RNF222: variants seen among roughly 807,000 people sequenced by gnomAD.
The protein encoded by RNF222 is ring finger protein 222, also known as RING finger protein LOC643904.
RNF222 carries 14 observed loss-of-function variants against 10.8 expected under a neutral mutation model. The ratio of observed to expected loss-of-function variants is 1.30; its 90% CI spans 0.86 to 2.03. The LOEUF is 2.03. Ranked by LOEUF, RNF222 falls within the 30% of genes most tolerant of loss-of-function variation. The pLI is 0.00. For synonymous variants in RNF222, 141 were observed against 142.5 expected (o/e 0.99, Z 0.07); for missense variants, 298 against 295.8 (o/e 1.01, Z -0.06).
At position 8,392,436 on chromosome 17, in the gene RNF222, T is replaced by G; in HGVS notation, c.*363A>C. The G allele has an allele frequency of 4.1e-6, 1 of 245,836 alleles. No individual in the cohort carries two copies. The highest frequency in any genetic ancestry group is 8.0e-6 in the Non-Finnish European group (1 of 125,474). The allele number at this position is 245,836 out of a possible 1,614,324, so 15.2% of individuals were successfully genotyped here. On this transcript the variant is annotated 3_prime_UTR_variant, in exon 3 of 3. Transcript: ENST00000399398. This position sits in a 1 kb window ranked among gnomAD's most constrained non-coding sequence, Gnocchi z 4.3. ...CAGCAGGACGTCTGCCTGCAGGACT[T>G]TCTTGTCCCTGGAGGGGCCCACCTG...
At chr17:8,396,403 G>A (rs1908038818) in intron 1 of RNF222, among the ~76,000 whole-genome samples, 1 of 152,174 alleles carries the variant, frequency 6.6e-6, no homozygotes, top group African/African-American at 2.4e-5. Flanking sequence ...GAGACGAGCA[G>A]GGAAGGAGAA....
chr17:8,394,060 C>CTAAG (rs1907960733), intron 2 of RNF222, 118 bp downstream of exon 2: 1 of 152,784 alleles, frequency 6.5e-6, no homozygotes, highest in Non-Finnish European at 1.5e-5. Context: ...TTCCTCTGTG[C>CTAAG]TAAGTGTGGC....
Position 8,397,779 on chromosome 17 carries a change from T to C in RNF222, c.-262A>G, listed in dbSNP as rs922097720. ...GGTGCTGAGCAGCAGCACGATCTCC[T>C]CCTGTTGCTGTTAGTGTGACCGCCA... On this transcript the variant is annotated 5_prime_UTR_variant, in exon 1 of 3. Transcript: ENST00000399398. 2.6e-5 allele frequency: 4 copies of C among 152,490 alleles called. No homozygotes were observed. The highest frequency in any genetic ancestry group is 9.7e-5 in the African/African-American group (4 of 41,414). 9.4% of individuals were successfully genotyped at this position (152,490 alleles called of 1,614,324 possible). A position where few individuals can be genotyped will look rare whatever the true frequency, so the allele number is the denominator to read the frequency against.
In RNF222 at chr17:8,392,763, G is replaced by A; in HGVS notation, c.*36C>T. 6.6e-7 allele frequency: 1 copy of A among 1,525,432 alleles called. No homozygotes were observed. The highest frequency in any genetic ancestry group is 1.2e-5 in the South Asian group (1 of 83,192). 94.5% of individuals were successfully genotyped at this position (1,525,432 alleles called of 1,614,324 possible). ...CCGTGGGCCTCCTGTCCCACCCCAG[G>A]CCACGGCTAGCCCGGCGGCCTCCCT... is the stretch of plus-strand genomic sequence containing the variant. On this transcript the variant is annotated 3_prime_UTR_variant, in exon 3 of 3. Transcript: ENST00000399398. The surrounding 1 kb of genome is among the most constrained non-coding windows in gnomAD (Gnocchi z 4.3).
At chr17:8,396,337 C>G (rs1211666033) in intron 1 of RNF222, among the ~76,000 whole-genome samples, 1 of 152,116 alleles carries the variant, frequency 6.6e-6, no homozygotes, top group African/African-American at 2.4e-5. Flanking sequence ...TTGTTAGAAT[C>G]AGCTGATAGA....
Position 8,391,383 on chromosome 17 carries a change from TG to T in RNF222, c.*1415del, listed in dbSNP as rs1267185809. 1 of 152,194 alleles carries T rather than the reference TG, an allele frequency of 6.6e-6. No homozygotes were observed. The highest frequency in any genetic ancestry group is 1.5e-5 in the Non-Finnish European group (1 of 68,062). 9.4% of individuals were successfully genotyped at this position (152,194 alleles called of 1,614,324 possible). A position where few individuals can be genotyped will look rare whatever the true frequency, so the allele number is the denominator to read the frequency against. On this transcript the variant is annotated 3_prime_UTR_variant, in exon 3 of 3. Coordinates refer to ENST00000399398, the MANE Select transcript of RNF222 (RefSeq NM_001146684.3). ...AGTGCTTTTAAAGCAGCCCTCTCTA[TG>T]TCCCAAATATCCCCTGTAGTGGGGC...
rs1232694942 is a variant in RNF222, at chr17:8,392,781, G to A, written c.*18C>T. ...ACCCCAGGCCACGGCTAGCCCGGCG[G>A]CCTCCCTGAGGTGCGGCTCACGCCT... On this transcript the variant is annotated 3_prime_UTR_variant, in exon 3 of 3. Transcript: ENST00000399398. This position sits in a 1 kb window ranked among gnomAD's most constrained non-coding sequence, Gnocchi z 4.3. The A allele has an allele frequency of 6.5e-7, 1 of 1,530,628 alleles. No homozygotes were observed. The highest frequency in any genetic ancestry group is 8.7e-7 in the Non-Finnish European group (1 of 1,145,386). 94.8% of individuals were successfully genotyped at this position (1,530,628 alleles called of 1,614,324 possible).
intron 1 of RNF222, among the ~76,000 whole-genome samples, chr17:8,396,277 A>T (rs2151684703): frequency 6.6e-6 from 1 of 152,312 alleles, no homozygotes; most frequent in South Asian, 2.1e-4. Context: ...GGTGAAGGTG[A>T]CGGAGAGGGA....
intron 2 of RNF222, 110 bp from the exon 3 acceptor site, chr17:8,393,596 T>G: frequency 1.5e-6 from 2 of 1,376,360 alleles, no homozygotes; most frequent in Non-Finnish European, 1.9e-6. Flanking sequence ...CTCCCTGTCT[T>G]CTGCCTCCTC....
intron 1 of RNF222, among the ~76,000 whole-genome samples, chr17:8,396,827 T>A (rs1205960474): frequency 6.6e-6 from 1 of 152,118 alleles, no homozygotes; most frequent in Non-Finnish European, 1.5e-5. Flanking sequence ...ATGGTATGAT[T>A]CTGTTTGGAT....
rs1273374817 is a variant in RNF222, at chr17:8,391,981, GA to G, written c.*817del. ...TCGTTTGCCCACATAGTTCTCAGCT[GA>G]CTCAAGGCTCGCCTGTCAGGCTTCC... On this transcript the variant is annotated 3_prime_UTR_variant, in exon 3 of 3. Transcript: ENST00000399398. The G allele has an allele frequency of 6.6e-6, 1 of 152,294 alleles. No homozygotes were observed. The highest frequency in any genetic ancestry group is 1.5e-5 in the Non-Finnish European group (1 of 68,130). The allele number at this position is 152,294 out of a possible 1,614,324, so 9.4% of individuals were successfully genotyped here. A position where few individuals can be genotyped will look rare whatever the true frequency, so the allele number is the denominator to read the frequency against.
In RNF222 at chr17:8,392,578, T is replaced by A. The variant is rs901764324; in HGVS notation, c.*221A>T. 6 of 572,648 alleles carry A rather than the reference T, an allele frequency of 1.0e-5. No homozygotes were observed. The Admixed American group carries it at 2.0e-4, about 19-fold the overall frequency. The allele number at this position is 572,648 out of a possible 1,614,324, so 35.5% of individuals were successfully genotyped here. On this transcript the variant is annotated 3_prime_UTR_variant, in exon 3 of 3. Transcript: ENST00000399398. The surrounding 1 kb of genome is among the most constrained non-coding windows in gnomAD (Gnocchi z 4.3). ...GGAAGGGGAACGCATCTGCTGAGGATTCACGTGGGGAACACGCGCCGCGCG... is the reference window on the plus strand; with the variant it reads ...GGAAGGGGAACGCATCTGCTGAGGAATCACGTGGGGAACACGCGCCGCGCG...
chr17:8,394,664 C>T (rs560165922), intron 1 of RNF222, among the ~76,000 whole-genome samples: 6 of 152,322 alleles, frequency 3.9e-5, no homozygotes, highest in Non-Finnish European at 8.8e-5. Context: ...TCTTGAACTC[C>T]TGACCTCCGG....
Position 8,393,322 on chromosome 17 carries a change from A to G in RNF222, c.140T>C (p.Leu47Pro). 1 of 1,551,620 alleles carries G rather than the reference A, an allele frequency of 6.4e-7. No homozygotes were observed. Among genetic ancestry groups the G allele is most frequent in the African/African-American group, 1.4e-5 (1 of 73,172 alleles). The change falls in exon 3 of 3, where the codon CTG becomes CCG. Residue 47 changes from leucine to proline, a missense_variant. Coordinates refer to ENST00000399398, the MANE Select transcript of RNF222 (RefSeq NM_001146684.3). ...GACCTGCCCATCCACGCGGGTGGAC[A>G]GCAGGTACTTGACCAGGCAGTCATG... ...FCHDCLVKYL[L>P]STRVDGQVQR...
chr17:8,394,528 C>T (rs1597502976), intron 1 of RNF222, among the ~76,000 whole-genome samples, 199 bp from the exon 2 acceptor site: 1 of 151,634 alleles, frequency 6.6e-6, no homozygotes, highest in East Asian at 1.9e-4. Flanking sequence ...ACTTCCACCT[C>T]CTGGGTTCAA....
chr17:8,396,020 A>G (rs1003122392), intron 1 of RNF222, among the ~76,000 whole-genome samples: 1 of 152,236 alleles, frequency 6.6e-6, no homozygotes, highest in Non-Finnish European at 1.5e-5. Flanking sequence ...AAGTTCTTAT[A>G]AAACTTTAGA....
At chr17:8,395,621 T>G (rs369784469) in intron 1 of RNF222, among the ~76,000 whole-genome samples, 2 of 152,192 alleles carry the variant, frequency 1.3e-5, no homozygotes, top group African/African-American at 2.4e-5. Context: ...TTCCTTAGTA[T>G]GTGGATGATT....
chr17:8,392,556 A>G lies in RNF222; in HGVS notation c.*243T>C. On this transcript the variant is annotated 3_prime_UTR_variant, in exon 3 of 3. Transcript: ENST00000399398. This position sits in a 1 kb window ranked among gnomAD's most constrained non-coding sequence, Gnocchi z 4.3. The stretch of plus-strand genomic sequence containing the variant: ...CCACCCATCTTCCCAGCCTAGAGGA[A>G]GGGGAACGCATCTGCTGAGGATTCA... The G allele has an allele frequency of 1.9e-6, 1 of 523,828 alleles. No individual in the cohort carries two copies. Among genetic ancestry groups the G allele is most frequent in the Middle Eastern group, 5.1e-4 (1 of 1,974 alleles). The allele number at this position is 523,828 out of a possible 1,614,324, so 32.4% of individuals were successfully genotyped here. A position where few individuals can be genotyped will look rare whatever the true frequency, so the allele number is the denominator to read the frequency against.
In RNF222 at chr17:8,393,377, G is replaced by T; in HGVS notation, c.85C>A (p.Arg29=). 1.3e-6 allele frequency: 2 copies of T among 1,551,672 alleles called. No individual in the cohort carries two copies. Among genetic ancestry groups the T allele is most frequent in the South Asian group, 2.4e-5 (2 of 84,066 alleles). The change falls in exon 3 of 3, where the codon CGG becomes AGG. Residue 29 remains arginine, a synonymous_variant. Transcript: ENST00000399398. ...EKFRDLEGAS[R]TLSCGHVFCH... ...AACACATGGCCACAGCTCAGCGTCC[G>T]GCTGGCGCCCTCCAGGTCCCGGAAC... is the stretch of plus-strand genomic sequence containing the variant.
Sources: allele counts gnomAD v4.1 joint callset (sites outside exome capture counted in the v4.1 genomes callset), GRCh38; gene constraint gnomAD v4.1.1; non-coding constraint Gnocchi (gnomAD v3.1); transcripts MANE v1.5; gene names NCBI Gene and HGNC (gene_info 2026-07-23, HGNC 2026-07-21).